Variants in IL34 observed in about 807,000 individuals in gnomAD.
IL34 encodes interleukin 34.
Under a neutral mutation model 25.3 loss-of-function variants are expected in IL34, and 17 were observed. That is an observed-to-expected ratio of 0.67 (90% CI 0.46 to 1.01). IL34 has a LOEUF of 1.01. IL34 is among the 50% of genes least tolerant of loss of function. IL34 has a pLI of 0.00. For synonymous variants in IL34, 174 were observed against 140.9 expected (o/e 1.23, Z -1.66); for missense variants, 368 against 312.9 (o/e 1.18, Z -1.33).
In IL34 at chr16:70,600,937, C is replaced by A. The variant is rs1381188656; in HGVS notation, c.-401+20888C>A. ...TGAGAAGATGCTGGCAGAAGCAGGG[C>A]TGCTGGGAGGAGTAGGGGATGCTGG... On this transcript the variant is annotated intron_variant, in intron 1 of 6. Coordinates refer to the IL34 transcript ENST00000429149. Among the ~76,000 whole-genome samples, 467 of 122,318 alleles carry A rather than the reference C, an allele frequency of 3.8e-3. 2 individuals carry two copies. The highest frequency in any genetic ancestry group is 0.019 in the African/African-American group (435 of 23,144). 80.2% of individuals were successfully genotyped at this position (122,318 alleles called of 152,430 possible).
rs147013040 is a variant in IL34, at chr16:70,614,262, C to T, written c.-400-32286C>T. Among the ~76,000 whole-genome samples the T allele has an allele frequency of 2.3e-3, 345 of 151,912 alleles. 1 individual carries two copies. Among genetic ancestry groups the T allele is most frequent in the African/African-American group, 7.1e-3 (294 of 41,408 alleles). On this transcript the variant is annotated intron_variant, in intron 1 of 6. Transcript: ENST00000429149. ...GTGAGTCTATATTTTAACAAGATTC[C>T]AGGTAATGTGTCTGTATGGCACAGT...
At chr16:70,591,467 G>A (rs1235945962) in intron 1 of IL34, among the ~76,000 whole-genome samples, 1 of 151,904 alleles carries the variant, frequency 6.6e-6, no homozygotes, top group Non-Finnish European at 1.5e-5. Flanking sequence ...TACTCAGGAG[G>A]CTGAGGTGGG....
intron 1 of IL34, among the ~76,000 whole-genome samples, chr16:70,640,060 A>G (rs982888210): frequency 6.6e-6 from 1 of 152,228 alleles, no homozygotes; most frequent in African/African-American, 2.4e-5. Flanking sequence ...AAAACTTTAG[A>G]AAGAATAAAT....
intron 1 of IL34, among the ~76,000 whole-genome samples, chr16:70,634,116 G>T (rs1015796119): frequency 2.6e-5 from 4 of 152,030 alleles, no homozygotes; most frequent in African/African-American, 9.7e-5. Flanking sequence ...CTCCCAAAAT[G>T]CTGGGATTAC....
At chr16:70,612,353 G>T (rs1255724953) in intron 1 of IL34, among the ~76,000 whole-genome samples, 1 of 152,016 alleles carries the variant, frequency 6.6e-6, no homozygotes, top group Non-Finnish European at 1.5e-5. Flanking sequence ...ATCTGCTGGT[G>T]AATGGTGAGT....
chr16:70,636,276 T>TC (rs987697857), intron 1 of IL34, among the ~76,000 whole-genome samples: 2 of 152,000 alleles, frequency 1.3e-5, no homozygotes, highest in African/African-American at 4.8e-5. Flanking sequence ...CCTCAAGTGA[T>TC]CCCCCTGCCT....
At chr16:70,647,113 T>C in intron 1 of IL34, 138 bp downstream of exon 1, 1 of 790,092 alleles carries the variant, frequency 1.3e-6, no homozygotes, top group South Asian at 2.6e-5. Context: ...AGACACCCTC[T>C]GAGATTCCCA....
intron 1 of IL34, among the ~76,000 whole-genome samples, chr16:70,624,280 T>C (rs1188143807): frequency 6.6e-6 from 1 of 151,774 alleles, no homozygotes; most frequent in East Asian, 1.9e-4. Context: ...GAGGAATACC[T>C]GGCTGCTGTG....
chr16:70,658,621 A>C (rs142229247), intron 4 of IL34, among the ~76,000 whole-genome samples: 1,831 of 151,404 alleles, frequency 0.012, 19 homozygotes, highest in South Asian at 0.024. Flanking sequence ...AGCTGGGATT[A>C]TAGATGCCTG....
intron 1 of IL34, among the ~76,000 whole-genome samples, chr16:70,602,570 AG>A (rs1483164590): frequency 7.0e-6 from 1 of 142,734 alleles, no homozygotes; most frequent in Non-Finnish European, 1.5e-5. Flanking sequence ...GAGAATTCCT[AG>A]CTTTGGAATT....
chr16:70,655,331 G>A (rs1438698832), intron 2 of IL34, among the ~76,000 whole-genome samples: 2 of 151,978 alleles, frequency 1.3e-5, no homozygotes, highest in Non-Finnish European at 2.9e-5. Context: ...GATTACAGGC[G>A]TGAGCCACTG....
intron 1 of IL34, among the ~76,000 whole-genome samples, chr16:70,615,238 G>A (rs1294858189): frequency 1.3e-5 from 2 of 152,208 alleles, no homozygotes; most frequent in East Asian, 1.9e-4. Context: ...GCCAGGTGTG[G>A]TGGCTCACGC....
upstream of IL34, among the ~76,000 whole-genome samples, chr16:70,644,880 AAGG>A (rs1271477742): frequency 6.4e-5 from 8 of 125,438 alleles, no homozygotes; most frequent in Non-Finnish European, 8.2e-5. Context: ...TAGGAAGAGG[AAGG>A]AGGTGGAAGA....
chr16:70,602,127 A>G (rs1328493929), intron 1 of IL34, among the ~76,000 whole-genome samples: 1 of 152,214 alleles, frequency 6.6e-6, no homozygotes, highest in African/African-American at 2.4e-5. Context: ...TCCCTGCTCC[A>G]GTGCCAGATC....
upstream of IL34, among the ~76,000 whole-genome samples, chr16:70,644,632 A>G (rs765464432): frequency 5.3e-5 from 8 of 151,198 alleles, no homozygotes; most frequent in Non-Finnish European, 8.8e-5. Flanking sequence ...ACTAATGACA[A>G]CTAAATGTTC....
intron 1 of IL34, among the ~76,000 whole-genome samples, chr16:70,638,930 G>GT (rs2051718490): frequency 6.6e-6 from 1 of 152,186 alleles, no homozygotes; most frequent in Non-Finnish European, 1.5e-5. Context: ...AAAAAAGTGA[G>GT]TGAATGCAGG....
At chr16:70,625,714 G>A (rs1028527660) in intron 1 of IL34, among the ~76,000 whole-genome samples, 5 of 152,166 alleles carry the variant, frequency 3.3e-5, no homozygotes, top group Non-Finnish European at 7.3e-5. Context: ...TGGGTCCACC[G>A]ATAAAACGTG....
Position 70,656,856 on chromosome 16 carries a change from G to A in IL34, c.241-104G>A, listed in dbSNP as rs74409178. 9,587 of 1,307,960 alleles carry A rather than the reference G, an allele frequency of 7.3e-3. 52 individuals carry two copies. Among genetic ancestry groups the A allele is most frequent in the Middle Eastern group, 0.012 (43 of 3,706 alleles). 81.0% of individuals were successfully genotyped at this position (1,307,960 alleles called of 1,614,324 possible). A position where few individuals can be genotyped will look rare whatever the true frequency, so the allele number is the denominator to read the frequency against. On this transcript the variant is annotated intron_variant, in intron 3 of 5. Coordinates refer to ENST00000288098, the MANE Select transcript of IL34 (RefSeq NM_001393494.1). ...TGTTTGTCCACTGTCCACAGCGGAC[G>A]GCCCGCGTCTGCTCCCTATGCAGGG...
intron 1 of IL34, among the ~76,000 whole-genome samples, chr16:70,649,893 G>A (rs776380981): frequency 2.6e-5 from 4 of 152,094 alleles, no homozygotes; most frequent in Non-Finnish European, 4.4e-5. Flanking sequence ...CTGCCTCTTG[G>A]GTTCAGATGA....
Sources: allele counts gnomAD v4.1 joint callset (sites outside exome capture counted in the v4.1 genomes callset), GRCh38; gene constraint gnomAD v4.1.1; transcripts MANE v1.5; gene names NCBI Gene and HGNC (gene_info 2026-07-23, HGNC 2026-07-21).